MAP2: variants seen among roughly 807,000 people sequenced by gnomAD.
MAP2 encodes the protein microtubule-associated protein 2.
MAP2 carries 14 observed loss-of-function variants against 137.6 expected under a neutral mutation model. That is an observed-to-expected ratio of 0.10 (90% CI 0.07 to 0.16). The LOEUF (loss-of-function observed/expected upper bound fraction) is 0.16, where lower values mean the gene tolerates loss of function less well. Among genes scored for constraint, MAP2 ranks in the 10% least tolerant of loss-of-function variants. MAP2 has a pLI of 1.00. For missense variants in MAP2, 2,088 were observed against 2,191.5 expected (o/e 0.95, Z 0.94); for synonymous variants, 786 against 782.3 (o/e 1.00, Z -0.08).
chr2:209,692,634 C>G lies in MAP2; in HGVS notation c.464C>G (p.Thr155Arg), dbSNP rs374954491. The change falls in exon 8 of 16, where the codon ACA becomes AGA. Residue 155 changes from threonine (T) to arginine (R), a missense_variant. By Grantham distance (71) the Thr-to-Arg change is moderately conservative (BLOSUM62 -1). This residue lies in a region of MAP2 where 859 missense variants were observed against 794.5 expected (regional missense o/e 1.08). Transcript: ENST00000682079. ...QTVTVEEDLLTASKMEFHDQQ... is the reference protein window; with the variant it reads ...QTVTVEEDLLRASKMEFHDQQ... ...AACCCGATTACTTCAGATTTACTTA[C>G]AGCCTCGAAGATGGAGTTCCACGAT... 5.1e-6 allele frequency: 8 copies of G among 1,571,994 alleles called. No individual in the cohort carries two copies. The African/African-American group carries it at 9.6e-5, about 19-fold the overall frequency.
chr2:209,695,898 G>A lies in MAP2; in HGVS notation c.3728G>A (p.Gly1243Glu), dbSNP rs1319850197. 1.9e-6 allele frequency: 3 copies of A among 1,614,094 alleles called. No individual in the cohort carries two copies. The highest frequency in any genetic ancestry group is 1.1e-5 in the South Asian group (1 of 91,076). The change falls in exon 8 of 16, where the codon GGA becomes GAA. Residue 1243 changes from glycine to glutamate, a missense_variant. By Grantham distance (98) the Gly-to-Glu change is moderately conservative. This residue lies in a region of MAP2 where 591 missense variants were observed against 642.6 expected (regional missense o/e 0.92). Transcript: ENST00000682079. ...GAGGAAGAAGAGATAGAAGCCCAGGGAGAATATGATAAACTGCTCTTCCGC... is the reference window on the plus strand; with the variant it reads ...GAGGAAGAAGAGATAGAAGCCCAGGAAGAATATGATAAACTGCTCTTCCGC... ...QSEEEEIEAQ[G>E]EYDKLLFRSD...
At chr2:209,614,687 A>G (rs1162880587) in intron 3 of MAP2, among the ~76,000 whole-genome samples, 1 of 152,226 alleles carries the variant, frequency 6.6e-6, no homozygotes, top group Non-Finnish European at 1.5e-5. Flanking sequence ...CGCTTTAGTA[A>G]TAAAATGTTG....
intron 1 of MAP2, among the ~76,000 whole-genome samples, chr2:209,448,678 A>G (rs1478872753): frequency 6.6e-6 from 1 of 152,010 alleles, no homozygotes; most frequent in South Asian, 2.1e-4. Context: ...CATCACTCCA[A>G]TCTTTGCCTC....
At position 209,575,518 on chromosome 2, in the gene MAP2, C is replaced by CAAA. The variant is rs71043942; in HGVS notation, c.-171-4494_-171-4492dup. ...CCTGGGCAACAGTGAGACTCCATCT[C>CAAA]AAAAAAAAAAAAAAAAAAAAAAAAA... On this transcript the variant is annotated intron_variant, in intron 2 of 15. Transcript: ENST00000682079. 2.1e-3 allele frequency among the ~76,000 whole-genome samples: 60 copies of CAAA among 28,378 alleles called. 9 individuals carry two copies. The highest frequency in any genetic ancestry group is 4.0e-3 in the East Asian group (3 of 750). 18.6% of individuals were successfully genotyped at this position (28,378 alleles called of 152,430 possible). A position where few individuals can be genotyped will look rare whatever the true frequency, so the allele number is the denominator to read the frequency against.
At chr2:209,563,586 C>T (rs2072698729) in intron 2 of MAP2, among the ~76,000 whole-genome samples, 1 of 152,316 alleles carries the variant, frequency 6.6e-6, no homozygotes. Flanking sequence ...ATAGTGAAAT[C>T]CCTTGGCCTC....
At chr2:209,528,567 A>G (rs779626484) in intron 2 of MAP2, among the ~76,000 whole-genome samples, 2 of 152,096 alleles carry the variant, frequency 1.3e-5, no homozygotes, top group South Asian at 2.1e-4. Context: ...TTTGGTTAAC[A>G]TATTGACAGT....
Position 209,576,302 on chromosome 2 carries a change from G to A in MAP2, c.-171-3734G>A, listed in dbSNP as rs142019786. 9.7e-4 allele frequency among the ~76,000 whole-genome samples: 147 copies of A among 152,228 alleles called. 1 individual carries two copies. The highest frequency in any genetic ancestry group is 1.7e-3 in the Non-Finnish European group (119 of 68,014). On this transcript the variant is annotated intron_variant, in intron 2 of 15. Transcript: ENST00000682079. ...TCTGTCGCCCAGGCTGGAGTGCAGTGGTGCGATCTCGGCTCACTGCAACCT... is the reference window on the plus strand; with the variant it reads ...TCTGTCGCCCAGGCTGGAGTGCAGTAGTGCGATCTCGGCTCACTGCAACCT...
intron 1 of MAP2, among the ~76,000 whole-genome samples, chr2:209,501,444 A>C (rs997848623): frequency 6.6e-6 from 1 of 152,136 alleles, no homozygotes; most frequent in Admixed American, 6.5e-5. Flanking sequence ...GTCATTTCTC[A>C]TTGGGGCAGG....
Position 209,708,856 on chromosome 2 carries a change from C to T in MAP2, c.4733-1058C>T, listed in dbSNP as rs2064370328. ...TAGTAGCATCTGGGTGAATGAGCCT[C>T]AATGTTCTCATTTCTTAGGAATAAT... is the stretch of plus-strand genomic sequence containing the variant. On this transcript the variant is annotated intron_variant, in intron 12 of 15. Transcript: ENST00000682079. Among the ~76,000 whole-genome samples the T allele has an allele frequency of 2.0e-5, 3 of 152,242 alleles. No individual in the cohort carries two copies. In the South Asian group the frequency reaches 6.2e-4, roughly 32 times the overall value.
intron 1 of MAP2, among the ~76,000 whole-genome samples, chr2:209,451,511 C>G (rs918930031): frequency 3.3e-5 from 5 of 152,162 alleles, no homozygotes; most frequent in Non-Finnish European, 7.4e-5. Flanking sequence ...TACACTGTTC[C>G]CTCCCCTTGC....
intron 2 of MAP2, among the ~76,000 whole-genome samples, chr2:209,573,280 C>G (rs375575382): frequency 5.0e-5 from 7 of 141,248 alleles, no homozygotes; most frequent in African/African-American, 1.9e-4. Flanking sequence ...TTTTTCTTTT[C>G]TTTATTTTTC....
In MAP2 at chr2:209,693,272, A is replaced by G. The variant is rs776106329; in HGVS notation, c.1102A>G (p.Ile368Val). ...AGCTACTGCCAAAGATAGTTTTAAAATTGAAGAGCCCCATGAGGCTAAACC... is the reference window on the plus strand; with the variant it reads ...AGCTACTGCCAAAGATAGTTTTAAAGTTGAAGAGCCCCATGAGGCTAAACC... ...GPATAKDSFKIEEPHEAKPDK... is the reference protein window; with the variant it reads ...GPATAKDSFKVEEPHEAKPDK... Residue 368 changes from isoleucine to valine, a missense_variant, in exon 8 of 16, where the codon ATT becomes GTT. Physicochemically the swap from Ile to Val is conservative, Grantham distance 29. Coordinates refer to ENST00000682079, the MANE Select transcript of MAP2 (RefSeq NM_001375505.1). 9 of 1,614,084 alleles carry G rather than the reference A, an allele frequency of 5.6e-6. No homozygotes were observed. The Admixed American group carries it at 1.3e-4, about 24-fold the overall frequency.
chr2:209,600,928 T>A (rs1415975542), intron 3 of MAP2, among the ~76,000 whole-genome samples: 1 of 152,220 alleles, frequency 6.6e-6, no homozygotes, highest in Non-Finnish European at 1.5e-5. Flanking sequence ...CACAGATTCT[T>A]GCTCAGTTTT....
chr2:209,526,828 T>C (rs1262631348), intron 2 of MAP2, among the ~76,000 whole-genome samples: 1 of 151,922 alleles, frequency 6.6e-6, no homozygotes, highest in Non-Finnish European at 1.5e-5. Context: ...AAAGTTTCAT[T>C]TCATACCTGA....
chr2:209,730,334 A>G lies in MAP2; in HGVS notation c.5421A>G (p.Glu1807=). 6.2e-7 allele frequency: 1 copy of G among 1,614,118 alleles called. No homozygotes were observed. The highest frequency in any genetic ancestry group is 8.5e-7 in the Non-Finnish European group (1 of 1,180,016). ...VSSSGSINLL[E]SPQLATLAED... ...CGTCTGGAAGCATCAACCTGCTCGA[A>G]TCTCCTCAGCTTGCCACTTTGGCTG... The change falls in exon 16 of 16, where the codon GAA becomes GAG. Residue 1807 remains glutamate, a synonymous_variant. Transcript: ENST00000682079.
chr2:209,695,098 T>C lies in MAP2; in HGVS notation c.2928T>C (p.His976=), dbSNP rs774944609. 1 of 1,614,056 alleles carries C rather than the reference T, an allele frequency of 6.2e-7. No individual in the cohort carries two copies. The highest frequency in any genetic ancestry group is 1.1e-5 in the South Asian group (1 of 91,072). The change falls in exon 8 of 16, where the codon CAT becomes CAC. Residue 976 remains histidine, a synonymous_variant. Transcript: ENST00000682079. The part of the protein sequence containing the change: ...KSEEHADSKE[H]AKKTEEAGDE... ...AAGAACATGCTGATTCAAAAGAACA[T>C]GCCAAGAAAACTGAAGAGGCTGGTG...
At position 209,471,585 on chromosome 2, in the gene MAP2, A is replaced by G. The variant is rs573996269; in HGVS notation, c.-221-36007A>G. The stretch of plus-strand genomic sequence containing the variant: ...AATTAATTTACTAAAAGTTTTTAAG[A>G]ACTGTGGGAACTTTTTAACCTAGTA... On this transcript the variant is annotated intron_variant, in intron 1 of 15. Coordinates refer to ENST00000682079, the MANE Select transcript of MAP2 (RefSeq NM_001375505.1). 2.0e-5 allele frequency among the ~76,000 whole-genome samples: 3 copies of G among 152,272 alleles called. No homozygotes were observed. The South Asian group carries it at 6.2e-4, about 32-fold the overall frequency.
At chr2:209,642,690 C>T (rs1011354848) in intron 4 of MAP2, among the ~76,000 whole-genome samples, 1 of 152,044 alleles carries the variant, frequency 6.6e-6, no homozygotes, top group African/African-American at 2.4e-5. Context: ...TTACAATCAG[C>T]CTGAAATAAA....
intron 10 of MAP2, among the ~76,000 whole-genome samples, chr2:209,697,306 C>CA (rs1186047421): frequency 6.6e-6 from 1 of 152,078 alleles, no homozygotes; most frequent in Non-Finnish European, 1.5e-5. Flanking sequence ...GCTCTAGTGT[C>CA]ACGTTCTGGG....
Sources: gnomAD v4.1 joint callset for allele counts (sites outside exome capture counted in the v4.1 genomes callset) on GRCh38, gnomAD v4.1.1 for gene constraint, gnomAD v4.1.1 regional missense constraint, MANE v1.5 for transcripts, NCBI Gene and HGNC (gene_info 2026-07-23, HGNC 2026-07-21) for gene names.